Variants in KANSL1 observed in about 807,000 individuals in gnomAD.
The protein encoded by KANSL1 is MLL1/MLL complex subunit KANSL1.
In KANSL1, 22 loss-of-function variants were observed where a neutral mutation model predicts 103.6. The ratio of observed to expected loss-of-function variants is 0.21; its 90% CI spans 0.15 to 0.30. The LOEUF is 0.30. Ranked by LOEUF, KANSL1 falls within the 10% of genes least tolerant of loss-of-function variation. KANSL1 has a pLI of 1.00. For synonymous variants in KANSL1, 600 were observed against 527.6 expected (o/e 1.14, Z -1.88); for missense variants, 1,337 against 1,399.8 (o/e 0.96, Z 0.72).
intron 2 of KANSL1, among the ~76,000 whole-genome samples, chr17:46,124,493 G>C (rs2043426682): frequency 6.6e-6 from 1 of 152,222 alleles, no homozygotes; most frequent in Admixed American, 6.5e-5. Flanking sequence ...AACATCCATT[G>C]TGCAGCCCAC....
chr17:46,140,803 T>C (rs2044380858), intron 2 of KANSL1, among the ~76,000 whole-genome samples: 3 of 152,252 alleles, frequency 2.0e-5, no homozygotes, highest in African/African-American at 7.2e-5. Flanking sequence ...ATTAGAGAAA[T>C]TAAAATCAAA....
intron 2 of KANSL1, among the ~76,000 whole-genome samples, chr17:46,165,556 G>T (rs1187863415): frequency 2.7e-5 from 4 of 150,192 alleles, no homozygotes; most frequent in African/African-American, 7.4e-5. Context: ...TGCCACCCAG[G>T]ATGGAGTGCA....
intron 1 of KANSL1, among the ~76,000 whole-genome samples, chr17:46,205,973 G>A (rs1486268170): frequency 6.6e-6 from 1 of 151,816 alleles, no homozygotes; most frequent in Non-Finnish European, 1.5e-5. Flanking sequence ...GCTGCTTGGG[G>A]GGCTGAGGAG....
At position 46,082,542 on chromosome 17, in the gene KANSL1, C is replaced by T; in HGVS notation, c.1432G>A (p.Gly478Arg). The change falls in exon 4 of 15, where the codon GGG (glycine) becomes AGG (arginine). Residue 478 changes from glycine to arginine, a missense_variant and splice_region_variant. Gly to Arg is a moderately radical substitution (Grantham distance 125). Transcript: ENST00000432791. ...GGTACCTCCCCAAGAACTATCAACC[C>T]CTGCAGGATAGAGAGGAGAAAAATA... Reference protein sequence around the residue: ...DIYKQIRANKGLIVLGEVPPP... With the variant: ...DIYKQIRANKRLIVLGEVPPP... 6.3e-7 allele frequency: 1 copy of T among 1,577,380 alleles called. No homozygotes were observed. Among genetic ancestry groups the T allele is most frequent in the Non-Finnish European group, 8.7e-7 (1 of 1,149,338 alleles).
intron 2 of KANSL1, among the ~76,000 whole-genome samples, chr17:46,110,179 G>GT (rs1456604327): frequency 6.6e-6 from 1 of 152,182 alleles, no homozygotes; most frequent in Non-Finnish European, 1.5e-5. Flanking sequence ...TTGAATAAGG[G>GT]TAATATAGTT....
chr17:46,051,725 G>A (rs2077717503), intron 6 of KANSL1, among the ~76,000 whole-genome samples: 1 of 152,150 alleles, frequency 6.6e-6, no homozygotes, highest in African/African-American at 2.4e-5. Context: ...GTAGAACAAA[G>A]ACAAAAAGCA....
At chr17:46,111,013 A>AC (rs1170016017) in intron 2 of KANSL1, among the ~76,000 whole-genome samples, 1 of 152,200 alleles carries the variant, frequency 6.6e-6, no homozygotes, top group African/African-American at 2.4e-5. Flanking sequence ...AATAACAAGA[A>AC]CATGTCATAT....
chr17:46,119,551 C>T (rs2043192955), intron 2 of KANSL1, among the ~76,000 whole-genome samples: 3 of 152,204 alleles, frequency 2.0e-5, no homozygotes, highest in Admixed American at 2.0e-4. Context: ...AAGAGAGCTG[C>T]CCACCTCGGC....
At chr17:46,114,582 A>G (rs1412741220) in intron 2 of KANSL1, among the ~76,000 whole-genome samples, 1 of 152,226 alleles carries the variant, frequency 6.6e-6, no homozygotes, top group Non-Finnish European at 1.5e-5. Context: ...TTTAGTTAAG[A>G]CCACATGTCA....
intron 2 of KANSL1, among the ~76,000 whole-genome samples, chr17:46,160,021 CCT>C (rs1385011771): frequency 6.6e-6 from 1 of 152,096 alleles, no homozygotes; most frequent in Admixed American, 6.5e-5. Flanking sequence ...TTTTTTCTGC[CCT>C]CTCTCTATCA....
intron 1 of KANSL1, among the ~76,000 whole-genome samples, chr17:46,203,922 T>G (rs1218467102): frequency 6.6e-6 from 1 of 152,234 alleles, no homozygotes; most frequent in Non-Finnish European, 1.5e-5. Context: ...GTGCCTGTAA[T>G]CCTAGCTACT....
chr17:46,032,259 C>T lies in KANSL1; in HGVS notation c.2878G>A (p.Gly960Ser), dbSNP rs1315792143. The T allele has an allele frequency of 2.1e-5, 33 of 1,543,530 alleles. No individual in the cohort carries two copies. Among genetic ancestry groups the T allele is most frequent in the Non-Finnish European group, 2.9e-5 (33 of 1,143,616 alleles). ...SSDGRTTPQL[G>S]SANPSTPQPA... ...TGGGGGGTGGAGGGGTTGGCACTGC[C>T]CAGCTGGGGGGTTGTCCGGCCGTCT... The change falls in exon 14 of 15, where the codon GGC becomes AGC. Residue 960 changes from glycine (G) to serine (S), a missense_variant. By Grantham distance (56) the Gly-to-Ser change is moderately conservative. Around this residue, in one of 2 missense-constraint regions of KANSL1, gnomAD observed 780 missense variants for 923.4 expected, o/e 0.84. Coordinates refer to ENST00000432791, the MANE Select transcript of KANSL1 (RefSeq NM_015443.4).
In KANSL1 at chr17:46,030,123, T is replaced by G. The variant is rs2076963695; in HGVS notation, c.*1353A>C. The G allele has an allele frequency of 8.9e-6, 1 of 112,580 alleles. No individual in the cohort carries two copies. The highest frequency in any genetic ancestry group is 2.4e-5 in the Non-Finnish European group (1 of 41,600). 7.0% of individuals were successfully genotyped at this position (112,580 alleles called of 1,614,324 possible). On this transcript the variant is annotated 3_prime_UTR_variant, in exon 15 of 15. Transcript: ENST00000432791. ...AGAAAATATTTACAAAATACAAGGT[T>G]TTTTTTTTCCATTTTTTGTTTTTGT...
chr17:46,176,960 G>C (rs937546759), intron 1 of KANSL1, among the ~76,000 whole-genome samples: 5 of 152,102 alleles, frequency 3.3e-5, no homozygotes, highest in African/African-American at 1.2e-4. Flanking sequence ...TAAATCTTGA[G>C]ATTTCTATAC....
intron 1 of KANSL1, chr17:46,222,081 A>C (rs1054843553): frequency 6.8e-6 from 1 of 147,576 alleles, no homozygotes; most frequent in Non-Finnish European, 1.5e-5. Context: ...CCCACTGAGC[A>C]AAGGATTGGT....
chr17:46,190,882 T>A (rs1301492558), intron 1 of KANSL1, among the ~76,000 whole-genome samples: 2 of 152,232 alleles, frequency 1.3e-5, no homozygotes, highest in African/African-American at 4.8e-5. Flanking sequence ...GGATGAGCAT[T>A]TTTACCTTGC....
chr17:46,085,682 G>A (rs2079138192), intron 3 of KANSL1, among the ~76,000 whole-genome samples: 2 of 152,052 alleles, frequency 1.3e-5, no homozygotes, highest in Admixed American at 6.6e-5. Flanking sequence ...GGTAGAGATG[G>A]GGTTTCACCA....
intron 2 of KANSL1, among the ~76,000 whole-genome samples, chr17:46,159,906 C>A (rs567146894): frequency 4.6e-5 from 7 of 152,326 alleles, no homozygotes; most frequent in Admixed American, 4.6e-4. Flanking sequence ...CTGGTCAATG[C>A]TGGTGTCCAC....
intron 1 of KANSL1, among the ~76,000 whole-genome samples, chr17:46,181,221 T>C (rs886553625): frequency 1.3e-5 from 2 of 152,244 alleles, no homozygotes; most frequent in African/African-American, 4.8e-5. Flanking sequence ...CTTCATAATT[T>C]CATCTCCTTT....
Sources: gnomAD v4.1 joint callset for allele counts (sites outside exome capture counted in the v4.1 genomes callset) on GRCh38, gnomAD v4.1.1 for gene constraint, gnomAD v4.1.1 regional missense constraint, MANE v1.5 for transcripts, NCBI Gene and HGNC (gene_info 2026-07-23, HGNC 2026-07-21) for gene names.